ATP8B2: variants seen among roughly 807,000 people sequenced by gnomAD.
The protein encoded by ATP8B2 is phospholipid-transporting ATPase ID.
ATP8B2 carries 70 observed loss-of-function variants against 133.4 expected under a neutral mutation model. The ratio of observed to expected loss-of-function variants is 0.52; its 90% confidence interval spans 0.43 to 0.64. The LOEUF (loss-of-function observed/expected upper bound fraction) is 0.64, where lower values mean the gene tolerates loss of function less well. ATP8B2 is among the 30% of genes least tolerant of loss of function. ATP8B2 has a pLI of 0.00. For synonymous variants in ATP8B2, 517 were observed against 589.5 expected, an observed-to-expected ratio of 0.88 and a Z score of 1.78; for missense variants, 1,101 against 1,535.7, an observed-to-expected ratio of 0.72 and a Z score of 4.73.
intron 12 of ATP8B2, among the ~76,000 whole-genome samples, chr1:154,338,351 A>G: frequency 8.1e-6 from 1 of 123,780 alleles, no homozygotes; most frequent in East Asian, 3.1e-4. Context: ...TGGACTTTGT[A>G]TTTACTAACC....
chr1:154,336,765 G>A (rs951033276), intron 11 of ATP8B2, among the ~76,000 whole-genome samples: 1 of 150,368 alleles, frequency 6.7e-6, no homozygotes, highest in African/African-American at 2.4e-5. Flanking sequence ...AAAGTGCTGG[G>A]ATTATAGGTG....
intron 9 of ATP8B2, among the ~76,000 whole-genome samples, 168 bp from the exon 10 acceptor site, chr1:154,333,939 T>G (rs1173491913): frequency 1.3e-5 from 2 of 152,178 alleles, no homozygotes; most frequent in African/African-American, 4.8e-5. Context: ...CCGGCCTGCT[T>G]CATTATTTTC....
At chr1:154,338,385 G>A (rs920360311) in intron 12 of ATP8B2, among the ~76,000 whole-genome samples, 2 of 152,208 alleles carry the variant, frequency 1.3e-5, no homozygotes, top group African/African-American at 4.8e-5. Context: ...GAAAAGACTG[G>A]GCACGGTGGC....
Position 154,330,605 on chromosome 1 carries a change from TG to T in ATP8B2, c.90+152del, listed in dbSNP as rs1685953287. 38 of 854,474 alleles carry T rather than the reference TG, an allele frequency of 4.4e-5. No homozygotes were observed. In the South Asian group the frequency reaches 5.8e-4, roughly 13 times the overall value. The allele number at this position is 854,474 out of a possible 1,614,324, so 52.9% of individuals were successfully genotyped here. ...AGCCACTCTCCATCTGCTATCGTGC[TG>T]AATTTTTCATGCCTTCACCTGTCAG... On this transcript the variant is annotated intron_variant, in intron 3 of 27. Transcript: ENST00000368489.
At position 154,343,700 on chromosome 1, in the gene ATP8B2, G is replaced by A; in HGVS notation, c.1758+132G>A. Reference sequence around the variant, plus strand: ...TTTTGATGTGTATATATAGTGAAGTGATTACTACAGTCAGACAACTTAACA... The same window carrying A: ...TTTTGATGTGTATATATAGTGAAGTAATTACTACAGTCAGACAACTTAACA... On this transcript the variant is annotated intron_variant, in intron 17 of 27. Coordinates refer to ENST00000368489, the MANE Select transcript of ATP8B2 (RefSeq NM_001370597.1). This position sits in a 1 kb window ranked among gnomAD's most constrained non-coding sequence, Gnocchi z 5.8. 1 of 995,796 alleles carries A rather than the reference G, an allele frequency of 1.0e-6. No individual in the cohort carries two copies. Among genetic ancestry groups the A allele is most frequent in the Admixed American group, 2.4e-5 (1 of 41,438 alleles). 61.7% of individuals were successfully genotyped at this position (995,796 alleles called of 1,614,324 possible).
In ATP8B2 at chr1:154,334,026, C is replaced by G; in HGVS notation, c.590-81C>G. On this transcript the variant is annotated intron_variant, in intron 9 of 27. Transcript: ENST00000368489. This position sits in a 1 kb window ranked among gnomAD's most constrained non-coding sequence, Gnocchi z 4.6. ...TTGCCCTTGCATCCTCTTCGCTCAGCTCATTTTCTCTTTGTTTTATTGTCT... is the reference window on the plus strand; with the variant it reads ...TTGCCCTTGCATCCTCTTCGCTCAGGTCATTTTCTCTTTGTTTTATTGTCT... 6.5e-7 allele frequency: 1 copy of G among 1,532,772 alleles called. No homozygotes were observed. The highest frequency in any genetic ancestry group is 1.2e-5 in the South Asian group (1 of 82,868). 94.9% of individuals were successfully genotyped at this position (1,532,772 alleles called of 1,614,324 possible). A position where few individuals can be genotyped will look rare whatever the true frequency, so the allele number is the denominator to read the frequency against.
rs1342066909 is a variant in ATP8B2 at position 154,341,227 on chromosome 1, A to G, written c.1243+165A>G. The G allele has an allele frequency of 4.0e-6, 3 of 740,980 alleles. No individual in the cohort carries two copies. In the Admixed American group the frequency reaches 6.2e-5, roughly 15 times the overall value. 45.9% of individuals were successfully genotyped at this position (740,980 alleles called of 1,614,324 possible). On this transcript the variant is annotated intron_variant, in intron 13 of 27. Transcript: ENST00000368489. Reference sequence around the variant, plus strand: ...TGGCCAGGCACGGTGGCTCATGCCTATAGTCATAGCACTTTGGGAGGCTGA... The same window carrying G: ...TGGCCAGGCACGGTGGCTCATGCCTGTAGTCATAGCACTTTGGGAGGCTGA...
In ATP8B2 at chr1:154,340,340, G is replaced by A. The variant is rs994211884; in HGVS notation, c.1035-514G>A. Among the ~76,000 whole-genome samples the A allele has an allele frequency of 4.6e-5, 7 of 152,102 alleles. No homozygotes were observed. Among genetic ancestry groups the A allele is most frequent in the South Asian group, 2.1e-4 (1 of 4,822 alleles). ...GCCCCAAGCCCAGGGTGGAAGGAGC[G>A]CACCCAGCCTGTGGTGGGACAGTGA... On this transcript the variant is annotated intron_variant, in intron 12 of 27. Coordinates refer to ENST00000368489, the MANE Select transcript of ATP8B2 (RefSeq NM_001370597.1). The surrounding 1 kb of genome is among the most constrained non-coding windows in gnomAD (Gnocchi z 4.0).
At position 154,349,285 on chromosome 1, in the gene ATP8B2, C is replaced by T. The variant is rs1250789048; in HGVS notation, c.*167C>T. 1.0e-6 allele frequency: 1 copy of T among 952,664 alleles called. No homozygotes were observed. Among genetic ancestry groups the T allele is most frequent in the East Asian group, 2.7e-5 (1 of 37,662 alleles). 59.0% of individuals were successfully genotyped at this position (952,664 alleles called of 1,614,324 possible). ...ACATGGCTGGGACATCTGTTCCCAG[C>T]TGTAGGCCCTTCCACCAGCTGGGGA... On this transcript the variant is annotated 3_prime_UTR_variant, in exon 28 of 28. Transcript: ENST00000368489.
At position 154,350,407 on chromosome 1, in the gene ATP8B2, CAA is replaced by C. The variant is rs1686745824; in HGVS notation, c.*1290_*1291del. 1 of 152,152 alleles carries C rather than the reference CAA, an allele frequency of 6.6e-6. No individual in the cohort carries two copies. Among genetic ancestry groups the C allele is most frequent in the South Asian group, 2.1e-4 (1 of 4,832 alleles). The allele number at this position is 152,152 out of a possible 1,614,324, so 9.4% of individuals were successfully genotyped here. On this transcript the variant is annotated 3_prime_UTR_variant, in exon 28 of 28. Coordinates refer to ENST00000368489, the MANE Select transcript of ATP8B2 (RefSeq NM_001370597.1). The stretch of plus-strand genomic sequence containing the variant: ...TTTTCTTTAATTTTAAATTTAAACC[CAA>C]GTTTATTGGCAGACTCCCTTTTGAC...
Position 154,345,054 on chromosome 1 carries a change from C to T in ATP8B2, c.2370C>T (p.Thr790=), listed in dbSNP as rs1223693074. The change falls in exon 22 of 28, where the codon ACC becomes ACT. Residue 790 remains threonine (T), a synonymous_variant. Coordinates refer to ENST00000368489, the MANE Select transcript of ATP8B2 (RefSeq NM_001370597.1). The surrounding 1 kb of genome is among the most constrained non-coding windows in gnomAD (Gnocchi z 5.6). ...ACKAVICCRV[T]PLQKAQVVEL... ...AAGCTGTCATCTGCTGCCGGGTGAC[C>T]CCCTTGCAGAAGGCACAGGTGGTAG... is the stretch of plus-strand genomic sequence containing the variant. 2 of 1,614,010 alleles carry T rather than the reference C, an allele frequency of 1.2e-6. No homozygotes were observed. The highest frequency in any genetic ancestry group is 2.2e-5 in the East Asian group (1 of 44,890).
intron 11 of ATP8B2, among the ~76,000 whole-genome samples, chr1:154,336,132 G>A (rs1686172909): frequency 6.6e-6 from 1 of 151,946 alleles, no homozygotes; most frequent in South Asian, 2.1e-4. Flanking sequence ...CAGGTGAATA[G>A]ATTATTTACA....
Position 154,346,763 on chromosome 1 carries a change from G to C in ATP8B2, c.3163+5G>C. ...CCAACCAGTTCCGGTTTGTGGGTAA[G>C]TCCCCGTGGCCTCCTTGAATCGGTG... On this transcript the variant is annotated splice_donor_5th_base_variant and intron_variant, in intron 26 of 27. Coordinates refer to ENST00000368489, the MANE Select transcript of ATP8B2 (RefSeq NM_001370597.1). This position sits in a 1 kb window ranked among gnomAD's most constrained non-coding sequence, Gnocchi z 4.5. The C allele has an allele frequency of 6.2e-7, 1 of 1,614,102 alleles. No homozygotes were observed. The highest frequency in any genetic ancestry group is 8.5e-7 in the Non-Finnish European group (1 of 1,179,938).
rs1291502459 is a variant in ATP8B2 at position 154,328,164 on chromosome 1, G to T, written c.23G>T (p.Arg8Leu). 22 of 1,613,710 alleles carry T rather than the reference G, an allele frequency of 1.4e-5. No individual in the cohort carries two copies. The highest frequency in any genetic ancestry group is 1.8e-5 in the Non-Finnish European group (21 of 1,179,880). The change falls in exon 2 of 28, where the codon CGC (arginine) becomes CTC (leucine). Residue 8 changes from arginine to leucine, a missense_variant. Transcript: ENST00000368489. This position sits in a 1 kb window ranked among gnomAD's most constrained non-coding sequence, Gnocchi z 4.6. Reference protein sequence around the residue: MAVCAKKRPPEEERRARA... With the variant: MAVCAKKLPPEEERRARA... ...GAGATGGCAGTGTGTGCAAAAAAGC[G>T]CCCCCCAGGTAAGACAGGCAAGGAG...
rs1248707772 is a variant in ATP8B2 at position 154,328,181 on chromosome 1, G to C, written c.31+9G>C. The C allele has an allele frequency of 4.3e-6, 7 of 1,612,218 alleles. No individual in the cohort carries two copies. The highest frequency in any genetic ancestry group is 5.1e-6 in the Non-Finnish European group (6 of 1,178,468). ...AAAAAAGCGCCCCCCAGGTAAGACA[G>C]GCAAGGAGGGGAGATCCCGGGAACC... On this transcript the variant is annotated intron_variant, in intron 2 of 27. Coordinates refer to ENST00000368489, the MANE Select transcript of ATP8B2 (RefSeq NM_001370597.1). The surrounding 1 kb of genome is among the most constrained non-coding windows in gnomAD (Gnocchi z 4.6).
intron 26 of ATP8B2, among the ~76,000 whole-genome samples, chr1:154,347,584 G>C (rs190759701): frequency 6.0e-4 from 92 of 152,224 alleles, no homozygotes; most frequent in African/African-American, 2.0e-3. Context: ...GCAGTCACCA[G>C]GTGAGCCTAA....
rs912406505 is a variant in ATP8B2, at chr1:154,351,194, A to T, written c.*2076A>T. 2.7e-4 allele frequency: 41 copies of T among 151,616 alleles called. No homozygotes were observed. The highest frequency in any genetic ancestry group is 9.9e-4 in the African/African-American group (41 of 41,276). 9.4% of individuals were successfully genotyped at this position (151,616 alleles called of 1,614,324 possible). A position where few individuals can be genotyped will look rare whatever the true frequency, so the allele number is the denominator to read the frequency against. ...GGGAAGAAAGTACCAAGTTGCATTG[A>T]GCTGTAATTAAGGAACATTATAATT... On this transcript the variant is annotated 3_prime_UTR_variant, in exon 28 of 28. Coordinates refer to ENST00000368489, the MANE Select transcript of ATP8B2 (RefSeq NM_001370597.1).
At chr1:154,335,915 T>G (rs1433892540) in intron 11 of ATP8B2, among the ~76,000 whole-genome samples, 1 of 151,886 alleles carries the variant, frequency 6.6e-6, no homozygotes, top group East Asian at 1.9e-4. Context: ...GGCGGGCACC[T>G]GTAGTCCCAG....
At position 154,330,422 on chromosome 1, in the gene ATP8B2, G is replaced by A. The variant is rs771740360; in HGVS notation, c.58G>A (p.Asp20Asn). 2 of 1,602,416 alleles carry A rather than the reference G, an allele frequency of 1.2e-6. No homozygotes were observed. The highest frequency in any genetic ancestry group is 2.3e-5 in the East Asian group (1 of 43,982). The change falls in exon 3 of 28, where the codon GAC becomes AAC. Residue 20 changes from aspartate to asparagine, a missense_variant. Physicochemically the swap from Asp to Asn is conservative, Grantham distance 23 (BLOSUM62 1). Transcript: ENST00000368489. The part of the protein sequence containing the change: ...PEEERRARAN[D>N]REYNEKFQYA... ...AGAAGAAAGGAGGGCGCGGGCTAAT[G>A]ACCGAGAATACAATGAGAAATTCCA... is the stretch of plus-strand genomic sequence containing the variant.
Sources: allele counts gnomAD v4.1 joint callset (sites outside exome capture counted in the v4.1 genomes callset), GRCh38; gene constraint gnomAD v4.1.1; non-coding constraint Gnocchi (gnomAD v3.1); transcripts MANE v1.5; gene names NCBI Gene and HGNC (gene_info 2026-07-23, HGNC 2026-07-21).